WDR5: variants seen among roughly 807,000 people sequenced by gnomAD.
WDR5 encodes WD repeat-containing protein 5.
For missense variants in WDR5, 187 were observed against 416.9 expected, an observed-to-expected ratio of 0.45 and a Z score of 4.80; for synonymous variants, 144 against 161.6, an observed-to-expected ratio of 0.89 and a Z score of 0.83.
upstream of WDR5, chr9:134,135,701 T>C (rs1006054374): frequency 6.6e-6 from 1 of 152,008 alleles, no homozygotes; most frequent in Non-Finnish European, 1.5e-5. Flanking sequence ...AGGGGCCTGG[T>C]CGCCCGGGGA....
chr9:134,137,670 A>AAG (rs1831637360), intron 1 of WDR5, among the ~76,000 whole-genome samples: 2 of 142,308 alleles, frequency 1.4e-5, no homozygotes, highest in African/African-American at 5.1e-5. Flanking sequence ...TGTGTCTCAA[A>AAG]AAAAAAACAA....
rs941484496 is a variant in WDR5 at position 134,142,454 on chromosome 9, A to G, written c.444+32A>G. The G allele has an allele frequency of 1.3e-5, 21 of 1,609,422 alleles. No homozygotes were observed. In the Admixed American group the frequency reaches 2.3e-4, roughly 18 times the overall value. ...GTGGCTGGGGTGTCTTCCCTGGGGG[A>G]GGTGGTGTCGGATGTGGGAAGGCTG... On this transcript the variant is annotated intron_variant, in intron 6 of 13. Transcript: ENST00000358625.
chr9:134,148,008 TAAA>T (rs1832292626), intron 7 of WDR5, among the ~76,000 whole-genome samples: 1 of 151,776 alleles, frequency 6.6e-6, no homozygotes, highest in Non-Finnish European at 1.5e-5. Flanking sequence ...TATATATATA[TAAA>T]AATTAGCTGG....
rs564528810 is a variant in WDR5 at position 134,136,524 on chromosome 9, C to T, written c.-59+324C>T. Among the ~76,000 whole-genome samples the T allele has an allele frequency of 1.2e-4, 18 of 152,312 alleles. No homozygotes were observed. In the South Asian group the frequency reaches 3.7e-3, roughly 32 times the overall value. On this transcript the variant is annotated intron_variant, in intron 1 of 13. Coordinates refer to ENST00000358625, the MANE Select transcript of WDR5 (RefSeq NM_017588.3). ...GCAGCGTGCCCGGCCTCACATCGCC[C>T]CTCTCCCTCCACTGCCCCTTCAGGG...
intron 8 of WDR5, among the ~76,000 whole-genome samples, chr9:134,148,942 G>A (rs1832352430): frequency 1.3e-5 from 2 of 152,164 alleles, no homozygotes; most frequent in South Asian, 4.1e-4. Flanking sequence ...TGATGGGAGC[G>A]AGTTGGGGGA....
chr9:134,135,267 A>T (rs1452209504), upstream of WDR5: 1 of 152,166 alleles, frequency 6.6e-6, no homozygotes, highest in African/African-American at 2.4e-5. Flanking sequence ...CTTCTCCTTA[A>T]GCCCCTGAGT....
intron 9 of WDR5, among the ~76,000 whole-genome samples, chr9:134,153,078 C>T (rs1832574383): frequency 6.6e-6 from 1 of 152,204 alleles, no homozygotes; most frequent in South Asian, 2.1e-4. Context: ...TAGCTTCCTG[C>T]CTTGTGGGGC....
intron 12 of WDR5, among the ~76,000 whole-genome samples, chr9:134,156,089 G>C (rs569531264): frequency 6.6e-6 from 1 of 152,254 alleles, no homozygotes; most frequent in Non-Finnish European, 1.5e-5. Context: ...TGGCTCCGGG[G>C]CTGTCGTCCA....
At chr9:134,145,096 G>GTTTTTTTTTTTTTTTTTTTT (rs56864188) in intron 7 of WDR5, among the ~76,000 whole-genome samples, 4 of 104,718 alleles carry the variant, frequency 3.8e-5, no homozygotes, top group Middle Eastern at 7.2e-3. Flanking sequence ...GTGGGGCTTT[G>GTTTTTTTTTTTTTTTTTTTT]TTTTTTTTTT....
intron 8 of WDR5, 54 bp downstream of exon 8, chr9:134,148,397 C>A: frequency 6.7e-7 from 1 of 1,490,046 alleles, no homozygotes; most frequent in Non-Finnish European, 9.3e-7. Context: ...TAAGGGCCAG[C>A]TCTTGCACTG....
chr9:134,154,835 G>C (rs372111687), intron 10 of WDR5, among the ~76,000 whole-genome samples: 110 of 152,310 alleles, frequency 7.2e-4, no homozygotes, highest in African/African-American at 2.6e-3. Flanking sequence ...TCGGCGGTCC[G>C]GGGGCCTCCA....
intron 7 of WDR5, among the ~76,000 whole-genome samples, chr9:134,145,265 A>G (rs1832130332): frequency 6.6e-6 from 1 of 151,766 alleles, no homozygotes. Context: ...CGACTGGCTA[A>G]TTTTTGTATT....
intron 1 of WDR5, 102 bp from the exon 2 acceptor site, chr9:134,139,718 A>G (rs569529959): frequency 2.5e-5 from 18 of 728,550 alleles, no homozygotes; most frequent in African/African-American, 1.9e-4. Flanking sequence ...ACAGGGCTCA[A>G]TATGGTAGTC....
In WDR5 at chr9:134,141,952, A is replaced by G; in HGVS notation, c.268A>G (p.Ile90Val). 1 of 1,614,082 alleles carries G rather than the reference A, an allele frequency of 6.2e-7. No individual in the cohort carries two copies. Among genetic ancestry groups the G allele is most frequent in the South Asian group, 1.1e-5 (1 of 91,086 alleles). Residue 90 changes from isoleucine to valine, a missense_variant, in exon 5 of 14, where the codon ATA becomes GTA. By Grantham distance (29) the Ile-to-Val change is conservative. Coordinates refer to ENST00000358625, the MANE Select transcript of WDR5 (RefSeq NM_017588.3). ...GACCCTGTTTTTTCTCCCCAAGGGA[A>G]TATCCGATGTAGCCTGGTCGTCAGA... The part of the protein sequence containing the change: ...EKTISGHKLG[I>V]SDVAWSSDSN...
chr9:134,158,349 A>G lies in WDR5; in HGVS notation c.*356A>G, dbSNP rs1348348844. The G allele has an allele frequency of 2.1e-5, 4 of 187,432 alleles. No individual in the cohort carries two copies. The highest frequency in any genetic ancestry group is 3.3e-5 in the Non-Finnish European group (3 of 90,018). The allele number at this position is 187,432 out of a possible 1,614,324, so 11.6% of individuals were successfully genotyped here. A position where few individuals can be genotyped will look rare whatever the true frequency, so the allele number is the denominator to read the frequency against. Reference sequence around the variant, plus strand: ...ACGTTCTGTATCTTTTTGATATTCCATGACCCAGTGCACGCTGTGGCCTGT... The same window carrying G: ...ACGTTCTGTATCTTTTTGATATTCCGTGACCCAGTGCACGCTGTGGCCTGT... On this transcript the variant is annotated 3_prime_UTR_variant, in exon 14 of 14. Transcript: ENST00000358625.
At position 134,139,963 on chromosome 9, in the gene WDR5, G is replaced by T. The variant is rs773623976; in HGVS notation, c.81+5G>T. 2.2e-5 allele frequency: 35 copies of T among 1,613,530 alleles called. No homozygotes were observed. Among genetic ancestry groups the T allele is most frequent in the Non-Finnish European group, 2.9e-5 (34 of 1,179,988 alleles). ...TCATCCGCCACTCAGAGCAAGGTGCGTGCCCAGGGGCCCCTTGGACACCTT... is the reference window on the plus strand; with the variant it reads ...TCATCCGCCACTCAGAGCAAGGTGCTTGCCCAGGGGCCCCTTGGACACCTT... On this transcript the variant is annotated splice_donor_5th_base_variant and intron_variant, in intron 2 of 13. Transcript: ENST00000358625.
intron 6 of WDR5, 31 bp from the exon 7 acceptor site, chr9:134,142,605 G>A: frequency 6.2e-7 from 1 of 1,613,212 alleles, no homozygotes; most frequent in Non-Finnish European, 8.5e-7. Context: ...TCTCCTTCCT[G>A]TAAAATCACT....
chr9:134,147,210 C>T (rs762003755), intron 7 of WDR5, among the ~76,000 whole-genome samples: 8 of 152,356 alleles, frequency 5.3e-5, no homozygotes, highest in Admixed American at 2.0e-4. Flanking sequence ...TAAAATTACA[C>T]GTGTGGCTGG....
chr9:134,141,706 T>G, intron 4 of WDR5, 123 bp downstream of exon 4: 1 of 1,076,422 alleles, frequency 9.3e-7, no homozygotes, highest in Non-Finnish European at 1.3e-6. Context: ...TTTTAATTTT[T>G]TTATAGTTAT....
Sources: allele counts gnomAD v4.1 joint callset (sites outside exome capture counted in the v4.1 genomes callset), GRCh38; gene constraint gnomAD v4.1.1; transcripts MANE v1.5; gene names NCBI Gene and HGNC (gene_info 2026-07-23, HGNC 2026-07-21).